SLC1A2: variants seen among roughly 807,000 people sequenced by gnomAD.
SLC1A2 encodes excitatory amino acid transporter 2.
SLC1A2 carries 15 observed loss-of-function variants against 48.8 expected under a neutral mutation model. The ratio of observed to expected loss-of-function variants is 0.31; its 90% CI spans 0.21 to 0.47. The LOEUF is 0.47. SLC1A2 is among the 20% of genes least tolerant of loss of function. The probability of loss-of-function intolerance (pLI) is 0.99; values close to 1 mark genes in which losing one functional copy is unlikely to be tolerated. For missense variants in SLC1A2, 502 were observed against 730.5 expected (o/e 0.69, Z 3.61); for synonymous variants, 279 against 272.6 (o/e 1.02, Z -0.23).
intron 1 of SLC1A2, among the ~76,000 whole-genome samples, chr11:35,371,680 T>G: frequency 6.6e-6 from 1 of 151,450 alleles, no homozygotes; most frequent in East Asian, 1.9e-4. Context: ...AGAAGTACAA[T>G]TAGCTGAATT....
intron 1 of SLC1A2, chr11:35,322,435 G>C: frequency 1.6e-6 from 1 of 626,174 alleles, no homozygotes; most frequent in South Asian, 1.9e-5. Flanking sequence ...ACCTTAGCTG[G>C]CACCAAACTC....
At chr11:35,376,980 C>T (rs1854258083) in intron 1 of SLC1A2, among the ~76,000 whole-genome samples, 1 of 152,216 alleles carries the variant, frequency 6.6e-6, no homozygotes, top group Non-Finnish European at 1.5e-5. Context: ...GCAGCTGGTA[C>T]TATAACCACT....
intron 1 of SLC1A2, among the ~76,000 whole-genome samples, chr11:35,343,624 G>C (rs1393781049): frequency 6.6e-6 from 1 of 152,120 alleles, no homozygotes; most frequent in Admixed American, 6.5e-5. Context: ...CTGGTGTCAA[G>C]AGCCTGGACA....
intron 1 of SLC1A2, among the ~76,000 whole-genome samples, chr11:35,369,259 G>A (rs1304989453): frequency 6.6e-6 from 1 of 152,182 alleles, no homozygotes; most frequent in Non-Finnish European, 1.5e-5. Flanking sequence ...AAGTAATAAA[G>A]AGGGCCTTTT....
intron 6 of SLC1A2, among the ~76,000 whole-genome samples, chr11:35,301,180 T>A (rs1851344077): frequency 6.6e-6 from 1 of 152,142 alleles, no homozygotes. Flanking sequence ...TCCAGAACCA[T>A]AAGAAAGAAA....
At chr11:35,363,611 T>C (rs565915049) in intron 1 of SLC1A2, among the ~76,000 whole-genome samples, 2 of 152,264 alleles carry the variant, frequency 1.3e-5, no homozygotes, top group African/African-American at 4.8e-5. Flanking sequence ...GAGCACTTTC[T>C]GTCAGCCAGT....
intron 9 of SLC1A2, among the ~76,000 whole-genome samples, chr11:35,277,237 G>A (rs534995816): frequency 5.9e-5 from 9 of 152,244 alleles, no homozygotes; most frequent in East Asian, 3.9e-4. Flanking sequence ...TTCTCCAACC[G>A]TTCCAACTCT....
intron 1 of SLC1A2, chr11:35,374,412 G>C: frequency 3.9e-6 from 2 of 507,784 alleles, no homozygotes; most frequent in Non-Finnish European, 3.7e-6. Flanking sequence ...CACCTGTCTG[G>C]AGCAAAGAAA....
chr11:35,396,777 C>T (rs1254349531), intron 1 of SLC1A2, among the ~76,000 whole-genome samples: 2 of 152,114 alleles, frequency 1.3e-5, no homozygotes, highest in Admixed American at 1.3e-4. Flanking sequence ...AATGGTAAAA[C>T]CCCATTGTCT....
intron 1 of SLC1A2, chr11:35,322,845 C>A (rs1227508643): frequency 3.0e-6 from 2 of 669,980 alleles, no homozygotes; most frequent in Non-Finnish European, 2.7e-6. Context: ...TTTCCCCCAG[C>A]TCCTTGAAGA....
intron 1 of SLC1A2, among the ~76,000 whole-genome samples, chr11:35,388,814 AG>A (rs1289189582): frequency 6.6e-6 from 1 of 152,256 alleles, no homozygotes; most frequent in Non-Finnish European, 1.5e-5. Context: ...AAGCATGAGC[AG>A]GTGGAATTAC....
chr11:35,360,212 G>T, intron 1 of SLC1A2: 2 of 375,244 alleles, frequency 5.3e-6, no homozygotes, highest in Non-Finnish European at 7.3e-6. Context: ...ACTGACTTTT[G>T]TCATTTGGTT....
chr11:35,415,152 T>TTAAGG (rs1481140084), intron 1 of SLC1A2, among the ~76,000 whole-genome samples: 2 of 152,218 alleles, frequency 1.3e-5, no homozygotes, highest in Non-Finnish European at 1.5e-5. Context: ...GCATCATCAC[T>TTAAGG]TAAGGACTTT....
intron 1 of SLC1A2, among the ~76,000 whole-genome samples, chr11:35,329,468 G>T (rs1852359835): frequency 6.6e-6 from 1 of 152,106 alleles, no homozygotes; most frequent in Non-Finnish European, 1.5e-5. Context: ...ATGTGAGCAG[G>T]GGTATATGGG....
intron 1 of SLC1A2, among the ~76,000 whole-genome samples, chr11:35,379,293 C>G (rs1343236543): frequency 1.3e-5 from 2 of 152,218 alleles, no homozygotes; most frequent in Admixed American, 6.5e-5. Context: ...TATGTAAATG[C>G]CAGCCTTTGT....
intron 1 of SLC1A2, among the ~76,000 whole-genome samples, chr11:35,375,124 A>G (rs1025647141): frequency 1.4e-4 from 22 of 152,244 alleles, no homozygotes; most frequent in African/African-American, 4.8e-4. Context: ...TTTGTGTAAC[A>G]TGGATTTTTC....
intron 1 of SLC1A2, among the ~76,000 whole-genome samples, chr11:35,341,290 C>A (rs7939421): frequency 6.6e-6 from 1 of 151,698 alleles, no homozygotes; most frequent in African/African-American, 2.4e-5. Context: ...CTTGGGTTGG[C>A]GCACCTTACC....
intron 1 of SLC1A2, among the ~76,000 whole-genome samples, chr11:35,351,780 T>A (rs1023309439): frequency 6.6e-6 from 1 of 152,028 alleles, no homozygotes; most frequent in African/African-American, 2.4e-5. Context: ...GGACTACAGG[T>A]GCATGCCACT....
At chr11:35,297,141 A>G (rs868400070) in intron 6 of SLC1A2, among the ~76,000 whole-genome samples, 2 of 152,096 alleles carry the variant, frequency 1.3e-5, no homozygotes, top group African/African-American at 4.8e-5. Context: ...AACCTTCCTT[A>G]TAAAATCCGG....
Sources: allele counts gnomAD v4.1 joint callset (sites outside exome capture counted in the v4.1 genomes callset), GRCh38; gene constraint gnomAD v4.1.1; transcripts MANE v1.5; gene names NCBI Gene and HGNC (gene_info 2026-07-23, HGNC 2026-07-21).